The following ADGRE3 variants were observed in gnomAD, a reference collection of about 807,000 sequenced individuals.
ADGRE3 encodes the protein adhesion G protein-coupled receptor E3, also known as EGF-like module receptor 3.
A neutral mutation model predicts 80.1 loss-of-function variants in ADGRE3; 88 were observed. The ratio of observed to expected loss-of-function variants is 1.10; its 90% CI spans 0.93 to 1.31. ADGRE3 has a LOEUF of 1.31. Among genes scored for constraint, ADGRE3 ranks in the 40% most tolerant of loss-of-function variants. The pLI is 0.00. For missense variants in ADGRE3, 715 were observed against 776.5 expected, an observed-to-expected ratio of 0.92 and a Z score of 0.94; for synonymous variants, 281 against 294.8, an observed-to-expected ratio of 0.95 and a Z score of 0.48.
At chr19:14,620,337 C>T (rs1307102286) in intron 15 of ADGRE3, among the ~76,000 whole-genome samples, 1 of 70,412 alleles carries the variant, frequency 1.4e-5, no homozygotes, top group Non-Finnish European at 3.2e-5. Context: ...CTGGCATGAG[C>T]CACCATGCCC....
chr19:14,604,461 C>T, the ADGRE3 span, among the ~76,000 whole-genome samples: 1 of 152,022 alleles, frequency 6.6e-6, no homozygotes, highest in Non-Finnish European at 1.5e-5. Context: ...AAATTTCAAT[C>T]ACCTTAAGAA....
intron 9 of ADGRE3, among the ~76,000 whole-genome samples, chr19:14,643,144 G>GTTTTTTTTTTTTTTT (rs373306807): frequency 1.5e-4 from 19 of 124,060 alleles, no homozygotes; most frequent in African/African-American, 4.8e-4. Flanking sequence ...AGTAATCATG[G>GTTTTTTTTTTTTTTT]TTTTTTTTTT....
chr19:14,647,946 G>T (rs761981711), intron 7 of ADGRE3, among the ~76,000 whole-genome samples: 6 of 151,760 alleles, frequency 4.0e-5, no homozygotes, highest in Non-Finnish European at 7.4e-5. Context: ...GCTGGTTGTG[G>T]TGGCACATGC....
downstream of ADGRE3, among the ~76,000 whole-genome samples, chr19:14,614,312 C>T (rs938862712): frequency 6.6e-6 from 1 of 152,114 alleles, no homozygotes; most frequent in African/African-American, 2.4e-5. Flanking sequence ...AATGGGGAAG[C>T]AGGGGTCTGT....
At chr19:14,641,386 C>T (rs1311504453) in intron 10 of ADGRE3, 33 bp downstream of exon 10, 2 of 1,613,320 alleles carry the variant, frequency 1.2e-6, no homozygotes, top group African/African-American at 2.7e-5. Flanking sequence ...TACCTTGGGG[C>T]AGAAAGGGCA....
the ADGRE3 span, among the ~76,000 whole-genome samples, chr19:14,611,444 C>T: frequency 7.5e-6 from 1 of 133,196 alleles, no homozygotes; most frequent in African/African-American, 2.8e-5. Flanking sequence ...GTGGCACAAT[C>T]ATAGCTTACT....
rs574813784 is a variant in ADGRE3, at chr19:14,662,468, T to C, written c.200-350A>G. Among the ~76,000 whole-genome samples the C allele has an allele frequency of 3.4e-3, 516 of 152,232 alleles. 1 individual carries two copies. The highest frequency in any genetic ancestry group is 5.9e-3 in the Non-Finnish European group (400 of 67,998). On this transcript the variant is annotated intron_variant, in intron 3 of 15. Coordinates refer to ENST00000253673, the MANE Select transcript of ADGRE3 (RefSeq NM_032571.5). ...TGGCAGGATCTGGGTTCACTGCAAC[T>C]TCTGCCTCCTGAGTTCAAGCGATTC...
chr19:14,644,019 GT>G (rs61276204), intron 9 of ADGRE3, 88 bp downstream of exon 9: 252,302 of 659,472 alleles, frequency 0.38, 14,161 homozygotes, highest in African/African-American at 0.52. Flanking sequence ...CCTTTTTTCA[GT>G]TTTTTTTTTT....
At chr19:14,668,977 T>A in intron 1 of ADGRE3, 125 bp from the exon 2 acceptor site, 1 of 879,580 alleles carries the variant, frequency 1.1e-6, no homozygotes, top group Non-Finnish European at 1.8e-6. Context: ...TGTAGTGGCT[T>A]AAAGCTACAT....
intron 7 of ADGRE3, among the ~76,000 whole-genome samples, chr19:14,648,918 C>T (rs994562777): frequency 6.6e-5 from 10 of 152,066 alleles, no homozygotes; most frequent in Non-Finnish European, 1.3e-4. Flanking sequence ...CGTCCCTCCT[C>T]ATCTCTTTCT....
At chr19:14,666,629 G>A (rs753735829) in intron 2 of ADGRE3, among the ~76,000 whole-genome samples, 5 of 152,076 alleles carry the variant, frequency 3.3e-5, no homozygotes, top group African/African-American at 9.7e-5. Flanking sequence ...CACCTGCCTC[G>A]GCCTCCCCGA....
chr19:14,674,710 A>G (rs1972348083), intron 1 of ADGRE3, 36 bp downstream of exon 1: 1 of 1,604,946 alleles, frequency 6.2e-7, no homozygotes, highest in African/African-American at 1.3e-5. Context: ...ACTGGGGGAT[A>G]GGTTAAGCCT....
the ADGRE3 span, among the ~76,000 whole-genome samples, chr19:14,605,920 T>G: frequency 6.6e-6 from 1 of 152,038 alleles, no homozygotes; most frequent in Non-Finnish European, 1.5e-5. Flanking sequence ...TAAAAATTTT[T>G]GTAGATATGG....
At chr19:14,603,670 T>A in the ADGRE3 span, among the ~76,000 whole-genome samples, 14 of 152,160 alleles carry the variant, frequency 9.2e-5, no homozygotes, top group South Asian at 2.5e-3. Context: ...ATCATCATGT[T>A]GGCCAGGCTG....
chr19:14,667,765 A>G (rs1300220784), intron 2 of ADGRE3, among the ~76,000 whole-genome samples: 1 of 152,242 alleles, frequency 6.6e-6, no homozygotes, highest in African/African-American at 2.4e-5. Context: ...CAAATATGGC[A>G]CATGTATACC....
At chr19:14,663,183 A>G (rs1376409684) in intron 3 of ADGRE3, among the ~76,000 whole-genome samples, 1 of 151,748 alleles carries the variant, frequency 6.6e-6, no homozygotes, top group Non-Finnish European at 1.5e-5. Context: ...TTGTATTTTT[A>G]GTAGAGATGG....
intron 2 of ADGRE3, among the ~76,000 whole-genome samples, chr19:14,666,690 T>G (rs1972116973): frequency 1.3e-5 from 2 of 152,178 alleles, no homozygotes; most frequent in Non-Finnish European, 1.5e-5. Flanking sequence ...TGGCCATTTG[T>G]ATATAGAAGA....
chr19:14,648,628 A>T (rs1280624050), intron 7 of ADGRE3, among the ~76,000 whole-genome samples: 1 of 152,196 alleles, frequency 6.6e-6, no homozygotes, highest in Admixed American at 6.5e-5. Flanking sequence ...TGTTGCCATG[A>T]AGGTGTTTTA....
the ADGRE3 span, chr19:14,610,115 C>T: frequency 2.5e-6 from 4 of 1,612,066 alleles, no homozygotes; most frequent in East Asian, 2.2e-5. Flanking sequence ...ACTGTGCTAC[C>T]ATGAACAAAG....
Sources: allele counts gnomAD v4.1 joint callset (sites outside exome capture counted in the v4.1 genomes callset), GRCh38; gene constraint gnomAD v4.1.1; transcripts MANE v1.5; gene names NCBI Gene and HGNC (gene_info 2026-07-23, HGNC 2026-07-21).